The following HNF1A variants were observed in gnomAD, a reference collection of about 807,000 sequenced individuals.
HNF1A encodes hepatocyte nuclear factor 1-alpha.
A neutral mutation model predicts 62.2 loss-of-function variants in HNF1A; 21 were observed. The observed-to-expected ratio is 0.34, with a 90% confidence interval of 0.24 to 0.49. The LOEUF (loss-of-function observed/expected upper bound fraction) is 0.49. Among genes scored for constraint, HNF1A ranks in the 20% least tolerant of loss-of-function variants. The pLI is 0.99. For synonymous variants in HNF1A, 374 were observed against 366.8 expected, an observed-to-expected ratio of 1.02 and a Z score of -0.22; for missense variants, 687 against 832.3, an observed-to-expected ratio of 0.83 and a Z score of 2.15.
In HNF1A at chr12:120,997,526, C is replaced by A. The variant is rs2135847560; in HGVS notation, c.1362C>A (p.Ser454Arg). The A allele has an allele frequency of 6.2e-7, 1 of 1,613,232 alleles. No individual in the cohort carries two copies. The highest frequency in any genetic ancestry group is 1.1e-5 in the South Asian group (1 of 91,040). ...QSVPVINSMG[S>R]SLTTLQPVQF... Reference sequence around the variant, plus strand: ...TGCCGGTCATCAACAGCATGGGCAGCAGCCTGACCACCCTGCAGCCCGTCC... The same window carrying A: ...TGCCGGTCATCAACAGCATGGGCAGAAGCCTGACCACCCTGCAGCCCGTCC... The change falls in exon 7 of 10, where the codon AGC becomes AGA. Residue 454 changes from serine (S) to arginine (R), a missense_variant. Around this residue, in one of 5 missense-constraint regions of HNF1A, gnomAD observed 408 missense variants for 455.3 expected, o/e 0.90. Coordinates refer to ENST00000257555, the MANE Select transcript of HNF1A (RefSeq NM_000545.8).
At chr12:120,998,842 T>G (rs1877256874) in intron 7 of HNF1A, among the ~76,000 whole-genome samples, 1 of 151,480 alleles carries the variant, frequency 6.6e-6, no homozygotes, top group Non-Finnish European at 1.5e-5. Flanking sequence ...CAGTAGCACC[T>G]GTGCTTAGTA....
chr12:121,002,211 G>A lies in HNF1A; in HGVS notation c.*1019G>A, dbSNP rs929889255. ...CCCAGGGCACAGGAGCTACCTGTGTGGACAGGACTAACACTCAGAAGCCTG... is the reference window on the plus strand; with the variant it reads ...CCCAGGGCACAGGAGCTACCTGTGTAGACAGGACTAACACTCAGAAGCCTG... On this transcript the variant is annotated 3_prime_UTR_variant, in exon 10 of 10. Transcript: ENST00000257555. 1.1e-5 allele frequency: 5 copies of A among 451,098 alleles called. No homozygotes were observed. Among genetic ancestry groups the A allele is most frequent in the African/African-American group, 7.8e-5 (4 of 51,026 alleles). The allele number at this position is 451,098 out of a possible 1,614,324, so 27.9% of individuals were successfully genotyped here. A position where few individuals can be genotyped will look rare whatever the true frequency, so the allele number is the denominator to read the frequency against.
Position 120,996,767 on chromosome 12 carries a change from A to C in HNF1A, c.1309+25A>C. 6.2e-7 allele frequency: 1 copy of C among 1,612,212 alleles called. No homozygotes were observed. ...GGTAAGCTGGTGGGGATGGGTGGGCACCTGGGTGGGAGGCTCATGGGGCAA... is the reference window on the plus strand; with the variant it reads ...GGTAAGCTGGTGGGGATGGGTGGGCCCCTGGGTGGGAGGCTCATGGGGCAA... On this transcript the variant is annotated intron_variant, in intron 6 of 9. Transcript: ENST00000257555. The surrounding 1 kb of genome is among the most constrained non-coding windows in gnomAD (Gnocchi z 4.5).
intron 2 of HNF1A, among the ~76,000 whole-genome samples, chr12:120,990,330 T>A (rs867943864): frequency 1.1e-3 from 164 of 151,530 alleles, no homozygotes; most frequent in Non-Finnish European, 1.9e-3. Flanking sequence ...TTTAGTAGAG[T>A]CGGGGTTTCA....
At chr12:120,998,472 T>C (rs982384125) in intron 7 of HNF1A, among the ~76,000 whole-genome samples, 1 of 152,150 alleles carries the variant, frequency 6.6e-6, no homozygotes, top group African/African-American at 2.4e-5. Context: ...CGCCACCAAA[T>C]GAGCTCTAGT....
Position 120,978,618 on chromosome 12 carries a change from C to A in HNF1A, c.-151C>A. ...GGCCAGGGTTGGGGGTTGGGGGTGCCCACAGGGCTTGGCTAGTGGGGTTTT... is the reference window on the plus strand; with the variant it reads ...GGCCAGGGTTGGGGGTTGGGGGTGCACACAGGGCTTGGCTAGTGGGGTTTT... On this transcript the variant is annotated 5_prime_UTR_variant, in exon 1 of 10. Coordinates refer to ENST00000257555, the MANE Select transcript of HNF1A (RefSeq NM_000545.8). The A allele has an allele frequency of 1.3e-6, 1 of 747,636 alleles. No homozygotes were observed. The highest frequency in any genetic ancestry group is 2.3e-6 in the Non-Finnish European group (1 of 428,752). The allele number at this position is 747,636 out of a possible 1,614,324, so 46.3% of individuals were successfully genotyped here.
intron 2 of HNF1A, among the ~76,000 whole-genome samples, chr12:120,990,346 G>T (rs1002127119): frequency 1.3e-5 from 2 of 151,462 alleles, no homozygotes; most frequent in African/African-American, 2.4e-5. Context: ...TTTCACCATG[G>T]TCTCGATCTC....
At chr12:120,985,713 G>A (rs554677358) in intron 1 of HNF1A, among the ~76,000 whole-genome samples, 5 of 151,658 alleles carry the variant, frequency 3.3e-5, no homozygotes, top group South Asian at 2.1e-4. Context: ...GGCTGGGCAC[G>A]GTGGCTCACA....
In HNF1A at chr12:120,978,949, C is replaced by T. The variant is rs1251482432; in HGVS notation, c.181C>T (p.Pro61Ser). 1 of 1,609,262 alleles carries T rather than the reference C, an allele frequency of 6.2e-7. No individual in the cohort carries two copies. The highest frequency in any genetic ancestry group is 2.2e-5 in the East Asian group (1 of 44,782). ...CGGTCGAGGGGAGCTGGCTGAGCTG[C>T]CCAATGGGCTGGGGGAGACTCGGGG... ...GGGRGELAELPNGLGETRGSE... is the reference protein window; with the variant it reads ...GGGRGELAELSNGLGETRGSE... The change falls in exon 1 of 10, where the codon CCC (proline) becomes TCC (serine). Residue 61 changes from proline (P) to serine (S), a missense_variant. Physicochemically the swap from Pro to Ser is moderately conservative, Grantham distance 74. Around this residue, in one of 5 missense-constraint regions of HNF1A, gnomAD observed 159 missense variants for 154.4 expected, o/e 1.03. Transcript: ENST00000257555.
chr12:120,996,660 T>A lies in HNF1A; in HGVS notation c.1227T>A (p.Pro409=). ...AGAACCTCATCATGGCCTCACTTCC[T>A]GGGGTCATGACCATCGGGCCTGGTG... is the stretch of plus-strand genomic sequence containing the variant. The part of the protein sequence containing the change: ...QPQNLIMASL[P]GVMTIGPGEP... The change falls in exon 6 of 10, where the codon CCT becomes CCA. Residue 409 remains proline (P), a synonymous_variant. Coordinates refer to ENST00000257555, the MANE Select transcript of HNF1A (RefSeq NM_000545.8). The surrounding 1 kb of genome is among the most constrained non-coding windows in gnomAD (Gnocchi z 4.5). 3 of 1,614,038 alleles carry A rather than the reference T, an allele frequency of 1.9e-6. No homozygotes were observed. Among genetic ancestry groups the A allele is most frequent in the Non-Finnish European group, 2.5e-6 (3 of 1,179,998 alleles).
chr12:120,992,885 CCT>C (rs985387813), intron 2 of HNF1A, among the ~76,000 whole-genome samples: 10 of 152,280 alleles, frequency 6.6e-5, no homozygotes, highest in East Asian at 3.9e-4. Flanking sequence ...CTGCTGCGCC[CCT>C]GATTCAGAAT....
At position 120,978,622 on chromosome 12, in the gene HNF1A, AG is replaced by A; in HGVS notation, c.-144del. Reference sequence around the variant, plus strand: ...AGGGTTGGGGGTTGGGGGTGCCCACAGGGCTTGGCTAGTGGGGTTTTGGGGG... The same window carrying A: ...AGGGTTGGGGGTTGGGGGTGCCCACAGGCTTGGCTAGTGGGGTTTTGGGGG... On this transcript the variant is annotated 5_prime_UTR_variant, in exon 1 of 10. Coordinates refer to ENST00000257555, the MANE Select transcript of HNF1A (RefSeq NM_000545.8). The A allele has an allele frequency of 1.3e-6, 1 of 756,448 alleles. No homozygotes were observed. The highest frequency in any genetic ancestry group is 2.3e-6 in the Non-Finnish European group (1 of 439,354). 46.9% of individuals were successfully genotyped at this position (756,448 alleles called of 1,614,324 possible). A position where few individuals can be genotyped will look rare whatever the true frequency, so the allele number is the denominator to read the frequency against.
At position 121,001,712 on chromosome 12, in the gene HNF1A, C is replaced by A; in HGVS notation, c.*520C>A. On this transcript the variant is annotated 3_prime_UTR_variant, in exon 10 of 10. Coordinates refer to ENST00000257555, the MANE Select transcript of HNF1A (RefSeq NM_000545.8). ...CCAACTCCTTCCAGCTAGTGACCCA[C>A]ATGCCATTTGTACTGACCCCATCAC... is the stretch of plus-strand genomic sequence containing the variant. 4.0e-6 allele frequency: 2 copies of A among 498,236 alleles called. No homozygotes were observed. Among genetic ancestry groups the A allele is most frequent in the African/African-American group, 1.9e-5 (1 of 52,680 alleles). 30.9% of individuals were successfully genotyped at this position (498,236 alleles called of 1,614,324 possible).
At chr12:120,997,032 A>C in intron 6 of HNF1A, 2 of 1,458,582 alleles carry the variant, frequency 1.4e-6, no homozygotes, top group Non-Finnish European at 1.8e-6. Flanking sequence ...GGTAAGGGGG[A>C]CTGATGTTTT....
intron 9 of HNF1A, 181 bp from the exon 10 acceptor site, chr12:121,000,884 C>A: frequency 1.3e-6 from 1 of 784,512 alleles, no homozygotes; most frequent in Non-Finnish European, 2.1e-6. Flanking sequence ...CGGCCGTGGA[C>A]CCTGGCTGGG....
rs777871578 is a variant in HNF1A, at chr12:120,997,448, G to A, written c.1310-26G>A. ...GGGTGGGATATAACTGGGGGGCCCA[G>A]CTGATTCCCTCCCCTTCCACTCCAG... On this transcript the variant is annotated intron_variant, in intron 6 of 9. Transcript: ENST00000257555. The A allele has an allele frequency of 5.0e-6, 8 of 1,586,018 alleles. No homozygotes were observed. The African/African-American group carries it at 8.0e-5, about 16-fold the overall frequency.
In HNF1A at chr12:120,993,581, C is replaced by A. The variant is rs150040269; in HGVS notation, c.588C>A (p.Thr196=). The A allele has an allele frequency of 8.7e-6, 14 of 1,614,126 alleles. No homozygotes were observed. The highest frequency in any genetic ancestry group is 4.0e-5 in the African/African-American group (3 of 75,034). Residue 196 remains threonine (T), a synonymous_variant, in exon 3 of 10, where the codon ACC becomes ACA. Coordinates refer to ENST00000257555, the MANE Select transcript of HNF1A (RefSeq NM_000545.8). ...IEEPTGDELP[T]KKGRRNRFKW... ...AGCCCACAGGTGATGAGCTACCAAC[C>A]AAGAAGGGGCGGAGGAACCGTTTCA... is the stretch of plus-strand genomic sequence containing the variant.
In HNF1A at chr12:120,996,233, C is replaced by T. The variant is rs759053190; in HGVS notation, c.956-29C>T. 7.4e-6 allele frequency: 12 copies of T among 1,612,994 alleles called. No individual in the cohort carries two copies. Among genetic ancestry groups the T allele is most frequent in the Non-Finnish European group, 1.0e-5 (12 of 1,179,900 alleles). ...CAGGGGAGGGCAGGGAAGTGGGGTG[C>T]TGAGGCAGGACACTGCTTCCCTCTC... is the stretch of plus-strand genomic sequence containing the variant. On this transcript the variant is annotated intron_variant, in intron 4 of 9. Coordinates refer to ENST00000257555, the MANE Select transcript of HNF1A (RefSeq NM_000545.8). The surrounding 1 kb of genome is among the most constrained non-coding windows in gnomAD (Gnocchi z 4.5).
intron 1 of HNF1A, among the ~76,000 whole-genome samples, chr12:120,986,446 A>G (rs1325494731): frequency 6.6e-6 from 1 of 152,234 alleles, no homozygotes; most frequent in African/African-American, 2.4e-5. Flanking sequence ...ATTAAAAGCC[A>G]CAAATTCTAG....
Sources: gnomAD v4.1 joint callset for allele counts (sites outside exome capture counted in the v4.1 genomes callset) on GRCh38, gnomAD v4.1.1 for gene constraint, gnomAD v4.1.1 regional missense constraint, Gnocchi (gnomAD v3.1) non-coding constraint, MANE v1.5 for transcripts, NCBI Gene and HGNC (gene_info 2026-07-23, HGNC 2026-07-21) for gene names.